TERF2IP: variants seen among roughly 807,000 people sequenced by gnomAD.
TERF2IP encodes telomeric repeat-binding factor 2-interacting protein 1.
A neutral mutation model predicts 33.3 loss-of-function variants in TERF2IP; 35 were observed. The observed-to-expected ratio is 1.05, with a 90% CI of 0.80 to 1.39. TERF2IP has a LOEUF of 1.39. Ranked by LOEUF, TERF2IP falls within the 40% of genes most tolerant of loss-of-function variation. TERF2IP has a pLI of 0.00. For missense variants in TERF2IP, 583 were observed against 524.8 expected, an observed-to-expected ratio of 1.11 and a Z score of -1.08; for synonymous variants, 253 against 223.2, an observed-to-expected ratio of 1.13 and a Z score of -1.19.
chr16:75,649,847 C>G (rs563780957), intron 1 of TERF2IP, among the ~76,000 whole-genome samples: 3 of 152,100 alleles, frequency 2.0e-5, no homozygotes, highest in Non-Finnish European at 2.9e-5. Flanking sequence ...GGATACAGAA[C>G]GAGTCTGTTA....
chr16:75,654,909 T>C (rs2082373510), intron 2 of TERF2IP, among the ~76,000 whole-genome samples: 1 of 152,188 alleles, frequency 6.6e-6, no homozygotes, highest in South Asian at 2.1e-4. Context: ...TTTGTATTTT[T>C]AGTAGAGACG....
intron 1 of TERF2IP, among the ~76,000 whole-genome samples, chr16:75,651,641 A>T (rs1006199968): frequency 6.6e-6 from 1 of 152,154 alleles, no homozygotes; most frequent in African/African-American, 2.4e-5. Flanking sequence ...ATGAGCTGAG[A>T]TCAAGCCCCT....
chr16:75,654,370 A>G lies in TERF2IP; in HGVS notation c.768A>G (p.Glu256=). 1 of 1,613,920 alleles carries G rather than the reference A, an allele frequency of 6.2e-7. No homozygotes were observed. Among genetic ancestry groups the G allele is most frequent in the Non-Finnish European group, 8.5e-7 (1 of 1,179,860 alleles). Residue 256 remains glutamate (E), a synonymous_variant, in exon 2 of 3, where the codon GAA becomes GAG. Coordinates refer to ENST00000300086, the MANE Select transcript of TERF2IP (RefSeq NM_018975.4). ...AAGCAGTCAAAAAGATGCTTGTGGA[A>G]GCCACCCGGGAGTTTGAGGAGGTTG... ...NEEAVKKMLV[E]ATREFEEVVV... is the part of the protein sequence containing the mutation.
chr16:75,655,339 A>AATC (rs1236984009), intron 2 of TERF2IP, among the ~76,000 whole-genome samples: 2 of 152,368 alleles, frequency 1.3e-5, no homozygotes, highest in South Asian at 2.1e-4. Context: ...GCCATACAAT[A>AATC]ATGATAAGTT....
At chr16:75,650,689 C>A (rs906445121) in intron 1 of TERF2IP, among the ~76,000 whole-genome samples, 1 of 152,082 alleles carries the variant, frequency 6.6e-6, no homozygotes, top group Non-Finnish European at 1.5e-5. Flanking sequence ...GCACTCGTCA[C>A]CATACCTAGC....
Position 75,656,481 on chromosome 16 carries a change from ATGGATATC to A in TERF2IP, c.1071_1078del (p.Gly358HisfsTer7). The A allele has an allele frequency of 6.2e-7, 1 of 1,614,242 alleles. No individual in the cohort carries two copies. Among genetic ancestry groups the A allele is most frequent in the Non-Finnish European group, 8.5e-7 (1 of 1,180,054 alleles). On this transcript the variant is annotated frameshift_variant, in exon 3 of 3. Transcript: ENST00000300086. LOFTEE classifies it high-confidence loss of function. ...TTCTTAGCGTCTGGTCAGAGAGCTG[ATGGATATC>A]CCATTTGGTCCCGACAAGATGACAT...
At chr16:75,651,919 A>G (rs1015374370) in intron 1 of TERF2IP, among the ~76,000 whole-genome samples, 1 of 152,134 alleles carries the variant, frequency 6.6e-6, no homozygotes, top group Non-Finnish European at 1.5e-5. Flanking sequence ...TACTTTATCT[A>G]TAAGATTGGC....
At chr16:75,655,713 A>G (rs2082379501) in intron 2 of TERF2IP, among the ~76,000 whole-genome samples, 2 of 152,312 alleles carry the variant, frequency 1.3e-5, no homozygotes, top group African/African-American at 4.8e-5. Context: ...TTCATACAGC[A>G]GTGCTTTTTG....
Position 75,656,805 on chromosome 16 carries a change from G to T in TERF2IP, c.*194G>T. ...AGGGGGATAAAAAGAAAAGAAATTG[G>T]ATGTATTTACAGCTGTCCTTGAACA... On this transcript the variant is annotated 3_prime_UTR_variant, in exon 3 of 3. Coordinates refer to ENST00000300086, the MANE Select transcript of TERF2IP (RefSeq NM_018975.4). The T allele has an allele frequency of 1.7e-6, 1 of 587,540 alleles. No homozygotes were observed. Among genetic ancestry groups the T allele is most frequent in the Admixed American group, 3.3e-5 (1 of 30,138 alleles). 36.4% of individuals were successfully genotyped at this position (587,540 alleles called of 1,614,324 possible). A position where few individuals can be genotyped will look rare whatever the true frequency, so the allele number is the denominator to read the frequency against.
At chr16:75,649,842 C>T (rs1439935788) in intron 1 of TERF2IP, among the ~76,000 whole-genome samples, 1 of 152,142 alleles carries the variant, frequency 6.6e-6, no homozygotes, top group Admixed American at 6.5e-5. Context: ...GTCTAGGATA[C>T]AGAACGAGTC....
intron 1 of TERF2IP, among the ~76,000 whole-genome samples, chr16:75,653,767 G>GCCTT (rs1458602000): frequency 6.6e-6 from 1 of 152,092 alleles, no homozygotes; most frequent in Non-Finnish European, 1.5e-5. Flanking sequence ...GTTCTGAAGG[G>GCCTT]CCTTCCTAGC....
rs1335498005 is a variant in TERF2IP, at chr16:75,656,600, C to T, written c.1189C>T (p.Arg397Ter). ...AQNVARRIEF[R>*]KK is the part of the protein sequence containing the mutation. Reference sequence around the variant, plus strand: ...GAATGTAGCTCGGAGGATTGAATTTCGAAAGAAATAATTGGCAAGATAATG... The same window carrying T: ...GAATGTAGCTCGGAGGATTGAATTTTGAAAGAAATAATTGGCAAGATAATG... The change falls in exon 3 of 3, where the codon CGA (arginine) becomes TGA (stop). Residue 397 changes from arginine (R) to a stop codon, truncating the protein, a stop_gained. Coordinates refer to ENST00000300086, the MANE Select transcript of TERF2IP (RefSeq NM_018975.4). LOFTEE classifies it high-confidence loss of function. The T allele has an allele frequency of 5.7e-6, 9 of 1,587,694 alleles. No homozygotes were observed. Among genetic ancestry groups the T allele is most frequent in the Admixed American group, 5.4e-5 (3 of 55,418 alleles).
chr16:75,649,212 C>T (rs1374314676), intron 1 of TERF2IP, among the ~76,000 whole-genome samples: 1 of 152,146 alleles, frequency 6.6e-6, no homozygotes, highest in African/African-American at 2.4e-5. Flanking sequence ...AGAATATTGA[C>T]ATGGTTCTAT....
intron 1 of TERF2IP, among the ~76,000 whole-genome samples, chr16:75,651,172 A>C (rs1225938865): frequency 6.6e-6 from 1 of 152,196 alleles, no homozygotes; most frequent in Non-Finnish European, 1.5e-5. Flanking sequence ...AGAACTTCTC[A>C]TGATAAATAA....
rs758499457 is a variant in TERF2IP, at chr16:75,656,244, CTA to C, written c.835_836del (p.Met279ValfsTer2). ...CCTCCTGATTTTGAAATACATATAA[CTA>C]TGTGTGATGATGATCCACCCACACC... On this transcript the variant is annotated frameshift_variant, in exon 3 of 3. Coordinates refer to ENST00000300086, the MANE Select transcript of TERF2IP (RefSeq NM_018975.4). LOFTEE classifies it high-confidence loss of function. 1 of 1,613,664 alleles carries C rather than the reference CTA, an allele frequency of 6.2e-7. No homozygotes were observed. Among genetic ancestry groups the C allele is most frequent in the South Asian group, 1.1e-5 (1 of 91,064 alleles).
chr16:75,655,226 A>G (rs1424440770), intron 2 of TERF2IP, among the ~76,000 whole-genome samples: 1 of 152,168 alleles, frequency 6.6e-6, no homozygotes, highest in Non-Finnish European at 1.5e-5. Flanking sequence ...CTTTTTGTGT[A>G]CTTTGAGCTT....
In TERF2IP at chr16:75,656,464, G is replaced by T. The variant is rs200023051; in HGVS notation, c.1053G>T (p.Ala351=). 59 of 1,614,066 alleles carry T rather than the reference G, an allele frequency of 3.7e-5. No homozygotes were observed. The highest frequency in any genetic ancestry group is 5.0e-5 in the Non-Finnish European group (59 of 1,180,030). The change falls in exon 3 of 3, where the codon GCG becomes GCT. Residue 351 remains alanine (A), a synonymous_variant. Transcript: ENST00000300086. ...GELEATSAFL[A]SGQRADGYPI... is the part of the protein sequence containing the mutation. ...TGGAGGCTACTTCCGCCTTCTTAGC[G>T]TCTGGTCAGAGAGCTGATGGATATC...
At position 75,652,588 on chromosome 16, in the gene TERF2IP, A is replaced by G. The variant is rs1010571734; in HGVS notation, c.671-1685A>G. Among the ~76,000 whole-genome samples the G allele has an allele frequency of 2.6e-5, 4 of 152,198 alleles. No homozygotes were observed. The East Asian group carries it at 7.7e-4, about 29-fold the overall frequency. On this transcript the variant is annotated intron_variant, in intron 1 of 2. Coordinates refer to ENST00000300086, the MANE Select transcript of TERF2IP (RefSeq NM_018975.4). ...TATCATTTTATCTATTTTAGCATGT[A>G]TCTCTCAAAGATAAGCCTCTTTTAG...
At chr16:75,648,815 A>C (rs2082324489) in intron 1 of TERF2IP, 5 of 941,694 alleles carry the variant, frequency 5.3e-6, no homozygotes, top group African/African-American at 3.4e-5. Flanking sequence ...CGGCCACCCA[A>C]AGTGTTGGGA....
Sources: allele counts gnomAD v4.1 joint callset (sites outside exome capture counted in the v4.1 genomes callset), GRCh38; gene constraint gnomAD v4.1.1; transcripts MANE v1.5; gene names NCBI Gene and HGNC (gene_info 2026-07-23, HGNC 2026-07-21).